HS3ST5: variants seen among roughly 807,000 people sequenced by gnomAD.
HS3ST5 encodes the protein heparan sulfate-glucosamine 3-sulfotransferase 5, also known as heparan sulfate glucosamine 3-O-sulfotransferase 5.
A neutral mutation model predicts 25.4 loss-of-function variants in HS3ST5; 10 were observed. That is an observed-to-expected ratio of 0.39 (90% CI 0.24 to 0.67). The LOEUF (loss-of-function observed/expected upper bound fraction) is 0.67, where lower values mean the gene tolerates loss of function less well. Among genes scored for constraint, HS3ST5 ranks in the 30% least tolerant of loss-of-function variants. The pLI is 0.44. For synonymous variants in HS3ST5, 170 were observed against 162.4 expected, an observed-to-expected ratio of 1.05 and a Z score of -0.36; for missense variants, 324 against 420.7, an observed-to-expected ratio of 0.77 and a Z score of 2.01.
At chr6:114,094,309 A>G (rs916527340) in intron 3 of HS3ST5, among the ~76,000 whole-genome samples, 2 of 152,354 alleles carry the variant, frequency 1.3e-5, no homozygotes, top group East Asian at 1.9e-4. Flanking sequence ...AATATTTACA[A>G]CAAGTCAAAC....
At position 114,272,956 on chromosome 6, in the gene HS3ST5, C is replaced by G. The variant is rs1026190203; in HGVS notation, c.-338-44178G>C. On this transcript the variant is annotated intron_variant, in intron 1 of 4. Transcript: ENST00000312719. The stretch of plus-strand genomic sequence containing the variant: ...AGAGAGGGGGAAGGAATGACAGCAG[C>G]CTTGCAAGTCACAGCCAGGATTCTA... Among the ~76,000 whole-genome samples the G allele has an allele frequency of 1.6e-4, 25 of 152,150 alleles. No individual in the cohort carries two copies. In the East Asian group the frequency reaches 2.7e-3, roughly 17 times the overall value.
chr6:114,209,345 A>G (rs1168803571), intron 2 of HS3ST5, among the ~76,000 whole-genome samples: 1 of 151,946 alleles, frequency 6.6e-6, no homozygotes, highest in Non-Finnish European at 1.5e-5. Context: ...CTGAAAAAAA[A>G]ACTTGTGTAT....
chr6:114,156,423 T>C (rs928013087), intron 3 of HS3ST5, among the ~76,000 whole-genome samples: 12 of 152,232 alleles, frequency 7.9e-5, no homozygotes, highest in Admixed American at 3.3e-4. Flanking sequence ...TGATCAAAAC[T>C]GGTATGTATT....
chr6:114,191,654 T>C (rs751908203), intron 2 of HS3ST5, among the ~76,000 whole-genome samples: 3 of 152,160 alleles, frequency 2.0e-5, no homozygotes, highest in Non-Finnish European at 4.4e-5. Flanking sequence ...CAAATATCCA[T>C]ATCATCGGTG....
chr6:114,308,926 A>G (rs1174380038), intron 1 of HS3ST5, among the ~76,000 whole-genome samples: 2 of 152,346 alleles, frequency 1.3e-5, no homozygotes, highest in East Asian at 3.9e-4. Context: ...GTATGAAACA[A>G]GAGAAGGATG....
intron 1 of HS3ST5, among the ~76,000 whole-genome samples, chr6:114,262,024 T>C (rs1157515499): frequency 2.0e-5 from 3 of 152,206 alleles, no homozygotes; most frequent in African/African-American, 7.2e-5. Flanking sequence ...CAATGCAATT[T>C]CATTAAGTGA....
chr6:114,169,882 A>G (rs933163150), intron 2 of HS3ST5, among the ~76,000 whole-genome samples: 4 of 152,190 alleles, frequency 2.6e-5, no homozygotes, highest in African/African-American at 9.6e-5. Flanking sequence ...TTCAAGGAAC[A>G]AAACATGCAA....
At chr6:114,329,842 T>C (rs1287054151) in intron 1 of HS3ST5, among the ~76,000 whole-genome samples, 2 of 152,230 alleles carry the variant, frequency 1.3e-5, no homozygotes, top group Non-Finnish European at 2.9e-5. Flanking sequence ...ATTTGGCAGC[T>C]ACTCTTCTGA....
intron 3 of HS3ST5, among the ~76,000 whole-genome samples, chr6:114,093,696 G>A (rs1161544923): frequency 2.0e-5 from 3 of 151,934 alleles, no homozygotes; most frequent in Non-Finnish European, 4.4e-5. Context: ...CAGACATGAT[G>A]ACAGATGCAT....
intron 2 of HS3ST5, among the ~76,000 whole-genome samples, chr6:114,174,446 A>G (rs1779621700): frequency 6.6e-6 from 1 of 152,094 alleles, no homozygotes; most frequent in African/African-American, 2.4e-5. Flanking sequence ...CACTGCTTGG[A>G]ATATTCTAGA....
intron 3 of HS3ST5, among the ~76,000 whole-genome samples, chr6:114,082,002 A>C (rs1477881311): frequency 6.6e-6 from 1 of 152,172 alleles, no homozygotes; most frequent in African/African-American, 2.4e-5. Context: ...ACCCTTTAGC[A>C]GTCTACCCCA....
intron 3 of HS3ST5, among the ~76,000 whole-genome samples, chr6:114,114,352 G>A (rs1257607055): frequency 6.6e-6 from 1 of 152,122 alleles, no homozygotes. Context: ...TTAGCAGTAA[G>A]TGGAGGAATA....
At chr6:114,067,856 C>A (rs1243694780) in intron 3 of HS3ST5, among the ~76,000 whole-genome samples, 1 of 152,106 alleles carries the variant, frequency 6.6e-6, no homozygotes, top group Non-Finnish European at 1.5e-5. Context: ...AGTCAAAAGA[C>A]CTTGGGTCAC....
intron 1 of HS3ST5, among the ~76,000 whole-genome samples, chr6:114,310,269 A>G (rs550517053): frequency 7.9e-5 from 12 of 152,340 alleles, no homozygotes; most frequent in African/African-American, 2.4e-4. Context: ...TACTCAATAA[A>G]TGAATGAAAA....
intron 1 of HS3ST5, among the ~76,000 whole-genome samples, chr6:114,328,140 A>G (rs531485088): frequency 6.6e-6 from 1 of 152,232 alleles, no homozygotes; most frequent in African/African-American, 2.4e-5. Context: ...ATTTGATCAC[A>G]TATACTTTTT....
At chr6:114,216,530 A>G (rs1309251668) in intron 2 of HS3ST5, among the ~76,000 whole-genome samples, 1 of 152,180 alleles carries the variant, frequency 6.6e-6, no homozygotes, top group Admixed American at 6.5e-5. Flanking sequence ...AGACATACAT[A>G]TAGACACACA....
At chr6:114,108,096 G>A (rs531213693) in intron 3 of HS3ST5, among the ~76,000 whole-genome samples, 9 of 152,174 alleles carry the variant, frequency 5.9e-5, no homozygotes, top group African/African-American at 2.2e-4. Flanking sequence ...ATATGAGAAG[G>A]TAGATACAGT....
chr6:114,241,922 C>A (rs1317535499), intron 1 of HS3ST5, among the ~76,000 whole-genome samples: 1 of 152,206 alleles, frequency 6.6e-6, no homozygotes, highest in African/African-American at 2.4e-5. Flanking sequence ...AATTCTCCTT[C>A]TGTCATTCTC....
chr6:114,121,699 T>G (rs997255348), intron 3 of HS3ST5, among the ~76,000 whole-genome samples: 5 of 152,218 alleles, frequency 3.3e-5, no homozygotes, highest in Admixed American at 6.5e-5. Flanking sequence ...GCTTCCCATA[T>G]TTTTAAAAAA....
Sources: gnomAD v4.1 joint callset for allele counts (sites outside exome capture counted in the v4.1 genomes callset) on GRCh38, gnomAD v4.1.1 for gene constraint, MANE v1.5 for transcripts, NCBI Gene and HGNC (gene_info 2026-07-23, HGNC 2026-07-21) for gene names.